PPM1L: variants seen among roughly 807,000 people sequenced by gnomAD.
The protein encoded by PPM1L is protein phosphatase 1L.
In PPM1L, 13 loss-of-function variants were observed where a neutral mutation model predicts 31.4. The ratio of observed to expected loss-of-function variants is 0.41; its 90% confidence interval spans 0.27 to 0.66. The LOEUF (loss-of-function observed/expected upper bound fraction) is 0.66. Among genes scored for constraint, PPM1L ranks in the 30% least tolerant of loss-of-function variants. The pLI is 0.29. For missense variants in PPM1L, 326 were observed against 453.7 expected (o/e 0.72, Z 2.56); for synonymous variants, 184 against 175.4 (o/e 1.05, Z -0.39).
Position 161,054,904 on chromosome 3 carries a change from T to C in PPM1L, c.575-10499T>C, listed in dbSNP as rs773571712. ...TTCCAATTACTTTCTACACATCCTC[T>C]CTTAACATAAAATGACTTTCAAGCC... is the stretch of plus-strand genomic sequence containing the variant. On this transcript the variant is annotated intron_variant, in intron 2 of 3. Coordinates refer to ENST00000498165, the MANE Select transcript of PPM1L (RefSeq NM_139245.4). 1.7e-4 allele frequency among the ~76,000 whole-genome samples: 26 copies of C among 152,062 alleles called. 1 individual carries two copies. The highest frequency in any genetic ancestry group is 3.4e-3 in the Middle Eastern group (1 of 294).
intron 2 of PPM1L, among the ~76,000 whole-genome samples, chr3:160,987,916 G>T (rs1717014872): frequency 6.6e-6 from 1 of 152,192 alleles, no homozygotes; most frequent in Admixed American, 6.5e-5. Context: ...GAAGCACATT[G>T]TATGGATTGG....
At chr3:160,778,357 A>G (rs1238490735) in intron 1 of PPM1L, among the ~76,000 whole-genome samples, 1 of 152,102 alleles carries the variant, frequency 6.6e-6, no homozygotes, top group Non-Finnish European at 1.5e-5. Flanking sequence ...ATATTGATAT[A>G]ATTTCAAACT....
chr3:160,764,396 A>G (rs1311330002), intron 1 of PPM1L, among the ~76,000 whole-genome samples: 2 of 152,110 alleles, frequency 1.3e-5, no homozygotes, highest in Non-Finnish European at 2.9e-5. Context: ...GTATAATTCT[A>G]TAAACATACT....
chr3:160,904,291 G>C (rs903737101), intron 1 of PPM1L, among the ~76,000 whole-genome samples: 1 of 152,148 alleles, frequency 6.6e-6, no homozygotes, highest in African/African-American at 2.4e-5. Context: ...TTATGGGTCT[G>C]TTAAGTACTT....
At chr3:161,006,372 T>G (rs1717704236) in intron 2 of PPM1L, among the ~76,000 whole-genome samples, 1 of 152,196 alleles carries the variant, frequency 6.6e-6, no homozygotes, top group African/African-American at 2.4e-5. Flanking sequence ...AGGCAGTTGT[T>G]GTTTGATGGG....
At position 160,976,695 on chromosome 3, in the gene PPM1L, G is replaced by C. The variant is rs1716593851; in HGVS notation, c.574+14785G>C. Among the ~76,000 whole-genome samples the C allele has an allele frequency of 4.6e-5, 7 of 152,156 alleles. No individual in the cohort carries two copies. The South Asian group carries it at 1.5e-3, about 32-fold the overall frequency. The stretch of plus-strand genomic sequence containing the variant: ...TTGTAGTATTCTCTGATGGTAGTTT[G>C]TATTTCTGTGGGATTGGTGGTGATA... On this transcript the variant is annotated intron_variant, in intron 2 of 3. Coordinates refer to ENST00000498165, the MANE Select transcript of PPM1L (RefSeq NM_139245.4).
intron 1 of PPM1L, among the ~76,000 whole-genome samples, chr3:160,764,180 G>A (rs183608350): frequency 6.6e-6 from 1 of 152,132 alleles, no homozygotes; most frequent in African/African-American, 2.4e-5. Context: ...TGCTGAGGCT[G>A]GATTGCAATA....
intron 1 of PPM1L, among the ~76,000 whole-genome samples, chr3:160,939,310 T>G (rs1278804679): frequency 6.6e-6 from 1 of 152,164 alleles, no homozygotes; most frequent in South Asian, 2.1e-4. Flanking sequence ...CAAATATCCA[T>G]GTTTTTCATG....
intron 2 of PPM1L, among the ~76,000 whole-genome samples, chr3:160,998,335 A>G (rs1213443483): frequency 6.6e-6 from 1 of 152,180 alleles, no homozygotes; most frequent in African/African-American, 2.4e-5. Context: ...CTAGTTGTTA[A>G]TGTTTTTATT....
chr3:160,758,719 G>T (rs1052013585), intron 1 of PPM1L, among the ~76,000 whole-genome samples: 1 of 152,082 alleles, frequency 6.6e-6, no homozygotes, highest in Non-Finnish European at 1.5e-5. Context: ...TCCAGAAAAG[G>T]GACACGATAA....
intron 2 of PPM1L, among the ~76,000 whole-genome samples, chr3:161,032,815 C>T (rs1028177494): frequency 6.6e-6 from 1 of 151,418 alleles, no homozygotes; most frequent in Admixed American, 6.6e-5. Flanking sequence ...GCCTCAGCCT[C>T]CTGAGTAGCT....
At chr3:160,990,973 C>A (rs1408785752) in intron 2 of PPM1L, among the ~76,000 whole-genome samples, 1 of 151,750 alleles carries the variant, frequency 6.6e-6, no homozygotes, top group Non-Finnish European at 1.5e-5. Flanking sequence ...AGGATCACTG[C>A]TTTGTAGGGG....
chr3:160,980,144 T>A (rs1716745784), intron 2 of PPM1L, among the ~76,000 whole-genome samples: 1 of 151,730 alleles, frequency 6.6e-6, no homozygotes, highest in South Asian at 2.1e-4. Context: ...TCCAGCAGAG[T>A]TTCTGATGTC....
chr3:160,759,801 G>C (rs1377626507), intron 1 of PPM1L, among the ~76,000 whole-genome samples: 1 of 152,136 alleles, frequency 6.6e-6, no homozygotes, highest in Non-Finnish European at 1.5e-5. Flanking sequence ...CTTGAGATCT[G>C]GCTTTGAATC....
chr3:161,026,297 G>A (rs1438323740), intron 2 of PPM1L, among the ~76,000 whole-genome samples: 1 of 152,222 alleles, frequency 6.6e-6, no homozygotes. Context: ...CTAGGTGCTA[G>A]GGGAATTTCC....
chr3:161,025,523 G>C (rs1718355059), intron 2 of PPM1L, among the ~76,000 whole-genome samples: 1 of 150,300 alleles, frequency 6.7e-6, no homozygotes, highest in African/African-American at 2.5e-5. Context: ...ATTGAGCTAT[G>C]ATCACATCAC....
intron 1 of PPM1L, among the ~76,000 whole-genome samples, chr3:160,795,487 G>T (rs974634360): frequency 6.6e-6 from 1 of 152,104 alleles, no homozygotes; most frequent in African/African-American, 2.4e-5. Flanking sequence ...GGTGAGAACC[G>T]CTGCCCTAGG....
chr3:160,852,249 G>A (rs961680618), intron 1 of PPM1L, among the ~76,000 whole-genome samples: 6 of 152,150 alleles, frequency 3.9e-5, no homozygotes, highest in Admixed American at 6.5e-5. Flanking sequence ...CACCCAGGAC[G>A]ATCAGGACAA....
chr3:160,783,886 T>A (rs1711821439), intron 1 of PPM1L, among the ~76,000 whole-genome samples: 1 of 152,160 alleles, frequency 6.6e-6, no homozygotes, highest in African/African-American at 2.4e-5. Context: ...TGAAGAAATA[T>A]CTGATAGTTA....
Sources: allele counts gnomAD v4.1 joint callset (sites outside exome capture counted in the v4.1 genomes callset), GRCh38; gene constraint gnomAD v4.1.1; transcripts MANE v1.5; gene names NCBI Gene and HGNC (gene_info 2026-07-23, HGNC 2026-07-21).